CBFA2T3: variants seen among roughly 807,000 people sequenced by gnomAD.
CBFA2T3 encodes the protein CBFA2/RUNX1 partner transcriptional co-repressor 3.
A neutral mutation model predicts 58.6 loss-of-function variants in CBFA2T3; 31 were observed. The ratio of observed to expected loss-of-function variants is 0.53; its 90% CI spans 0.40 to 0.71. CBFA2T3 has a LOEUF of 0.71. Ranked by LOEUF, CBFA2T3 falls within the 30% of genes least tolerant of loss-of-function variation. The pLI is 0.00. For missense variants in CBFA2T3, 1,076 were observed against 963.1 expected (o/e 1.12, Z -1.55); for synonymous variants, 531 against 421.9 (o/e 1.26, Z -3.17).
In CBFA2T3 at chr16:88,892,529, C is replaced by T. The variant is rs375604457; in HGVS notation, c.380-44G>A. 6.2e-6 allele frequency: 10 copies of T among 1,605,646 alleles called. No individual in the cohort carries two copies. The African/African-American group carries it at 1.2e-4, about 19-fold the overall frequency. On this transcript the variant is annotated intron_variant, in intron 3 of 11. Coordinates refer to ENST00000268679, the MANE Select transcript of CBFA2T3 (RefSeq NM_005187.6). ...CATGAGGACACAAAGGTGATGGTGA[C>T]AACACAACCCAGACGGCGGCGACAG... is the stretch of plus-strand genomic sequence containing the variant.
chr16:88,885,841 G>T lies in CBFA2T3; in HGVS notation c.893+120C>A, dbSNP rs1021209409. ...ACACCTCGCCACGCTCCCTCAGCCC[G>T]AGAGAGCCGGCCGGGCTGGCTGCAG... On this transcript the variant is annotated intron_variant, in intron 6 of 11. Coordinates refer to ENST00000268679, the MANE Select transcript of CBFA2T3 (RefSeq NM_005187.6). This position sits in a 1 kb window ranked among gnomAD's most constrained non-coding sequence, Gnocchi z 5.3. The T allele has an allele frequency of 2.2e-6, 2 of 904,776 alleles. No homozygotes were observed. Among genetic ancestry groups the T allele is most frequent in the African/African-American group, 3.3e-5 (2 of 59,750 alleles). The allele number at this position is 904,776 out of a possible 1,614,324, so 56.0% of individuals were successfully genotyped here.
At position 88,885,921 on chromosome 16, in the gene CBFA2T3, C is replaced by T. The variant is rs1969350540; in HGVS notation, c.893+40G>A. On this transcript the variant is annotated intron_variant, in intron 6 of 11. Transcript: ENST00000268679. The surrounding 1 kb of genome is among the most constrained non-coding windows in gnomAD (Gnocchi z 5.3). ...AGGGGAGCAGGGTGAGCCGCGTGTC[C>T]ACGGCACCCCCAGCCCAGATCCCCG... 4 of 1,529,848 alleles carry T rather than the reference C, an allele frequency of 2.6e-6. No homozygotes were observed. The highest frequency in any genetic ancestry group is 3.5e-6 in the Non-Finnish European group (4 of 1,133,300). The allele number at this position is 1,529,848 out of a possible 1,614,324, so 94.8% of individuals were successfully genotyped here.
chr16:88,891,673 G>A (rs1379155782), intron 5 of CBFA2T3, among the ~76,000 whole-genome samples: 1 of 152,218 alleles, frequency 6.6e-6, no homozygotes, highest in African/African-American at 2.4e-5. Flanking sequence ...ACTAGTAGGA[G>A]TCAACCCTGA....
At chr16:88,948,937 G>A (rs548588256) in intron 1 of CBFA2T3, among the ~76,000 whole-genome samples, 23 of 152,340 alleles carry the variant, frequency 1.5e-4, no homozygotes, top group Non-Finnish European at 3.2e-4. Context: ...AAGGGAATGT[G>A]GATGGGATTG....
intron 1 of CBFA2T3, among the ~76,000 whole-genome samples, chr16:88,914,246 A>G (rs893106463): frequency 1.3e-5 from 2 of 152,228 alleles, no homozygotes; most frequent in African/African-American, 4.8e-5. Context: ...CTGTGATGCT[A>G]GAGGTCAGGA....
chr16:88,918,014 G>A (rs1970794473), intron 1 of CBFA2T3, among the ~76,000 whole-genome samples: 1 of 152,158 alleles, frequency 6.6e-6, no homozygotes, highest in African/African-American at 2.4e-5. Context: ...TGGAGTGGAG[G>A]AGTGGACAGC....
chr16:88,923,240 C>A (rs1970979108), intron 1 of CBFA2T3, among the ~76,000 whole-genome samples: 1 of 152,220 alleles, frequency 6.6e-6, no homozygotes. Flanking sequence ...CTTGCTGGGC[C>A]TCAGCGTTCT....
At chr16:88,933,704 A>G (rs1461227881) in intron 1 of CBFA2T3, among the ~76,000 whole-genome samples, 12 of 114,290 alleles carry the variant, frequency 1.0e-4, no homozygotes, top group African/African-American at 3.5e-4. Context: ...CACGCCTCAC[A>G]GTGCCACACG....
intron 1 of CBFA2T3, among the ~76,000 whole-genome samples, chr16:88,975,571 C>A (rs563037300): frequency 2.0e-5 from 3 of 152,262 alleles, no homozygotes; most frequent in Non-Finnish European, 2.9e-5. Flanking sequence ...ATGGCAGATG[C>A]CAGGGCCAGT....
In CBFA2T3 at chr16:88,876,656, C is replaced by T; in HGVS notation, c.*320G>A. ...GAGAGGAAAAGAGAGGTGGGCAGAGCCGCCGCGCCTGCGGCATCTGCTCTG... is the reference window on the plus strand; with the variant it reads ...GAGAGGAAAAGAGAGGTGGGCAGAGTCGCCGCGCCTGCGGCATCTGCTCTG... On this transcript the variant is annotated 3_prime_UTR_variant, in exon 12 of 12. Coordinates refer to ENST00000268679, the MANE Select transcript of CBFA2T3 (RefSeq NM_005187.6). The T allele has an allele frequency of 3.0e-6, 1 of 334,652 alleles. No homozygotes were observed. The highest frequency in any genetic ancestry group is 5.4e-6 in the Non-Finnish European group (1 of 185,092). The allele number at this position is 334,652 out of a possible 1,614,324, so 20.7% of individuals were successfully genotyped here.
chr16:88,907,967 G>A (rs1459557285), intron 1 of CBFA2T3, among the ~76,000 whole-genome samples: 2 of 152,214 alleles, frequency 1.3e-5, no homozygotes, highest in Non-Finnish European at 2.9e-5. Context: ...TCTAAAGGAA[G>A]AGGACAGGGA....
chr16:88,935,261 G>T (rs149525721), intron 1 of CBFA2T3, among the ~76,000 whole-genome samples: 1,639 of 152,314 alleles, frequency 0.011, 31 homozygotes, highest in African/African-American at 0.035. Context: ...TGTCCACTGC[G>T]CTCTGAGTAC....
chr16:88,956,863 C>A (rs1439758422), intron 1 of CBFA2T3, among the ~76,000 whole-genome samples: 1 of 152,252 alleles, frequency 6.6e-6, no homozygotes, highest in Admixed American at 6.5e-5. Context: ...AGCAGCTGCA[C>A]CAAGCCCGGC....
intron 11 of CBFA2T3, among the ~76,000 whole-genome samples, chr16:88,878,594 G>C (rs1597652314): frequency 6.6e-6 from 1 of 152,016 alleles, no homozygotes; most frequent in South Asian, 2.1e-4. Context: ...GGGCGCCTCG[G>C]ACGCCACCTG....
chr16:88,898,856 C>A (rs1431413239), intron 2 of CBFA2T3, among the ~76,000 whole-genome samples: 7 of 152,200 alleles, frequency 4.6e-5, no homozygotes, highest in Admixed American at 4.6e-4. Flanking sequence ...GACCCAAACT[C>A]TACTATATAA....
At chr16:88,901,711 G>C in intron 1 of CBFA2T3, 55 bp from the exon 2 acceptor site, 1 of 1,472,210 alleles carries the variant, frequency 6.8e-7, no homozygotes, top group African/African-American at 1.5e-5. Context: ...GCAAAGGCCA[G>C]GGCCCGCAGC....
chr16:88,907,707 C>A lies in CBFA2T3; in HGVS notation c.152-6051G>T, dbSNP rs74035894. On this transcript the variant is annotated intron_variant, in intron 1 of 11. Transcript: ENST00000268679. ...GGGGAGGCACCTGCCCTCCTGGCCT[C>A]CCTCTGTGGCTTGGGCCTCTGCCAA... Among the ~76,000 whole-genome samples the A allele has an allele frequency of 2.3e-3, 355 of 152,334 alleles. 4 individuals carry two copies. The highest frequency in any genetic ancestry group is 8.3e-3 in the African/African-American group (347 of 41,576).
chr16:88,937,459 G>T (rs1971543226), intron 1 of CBFA2T3: 2 of 152,526 alleles, frequency 1.3e-5, no homozygotes, highest in Non-Finnish European at 2.9e-5. Flanking sequence ...GTGTGCACTG[G>T]ACTCTGCACA....
intron 2 of CBFA2T3, among the ~76,000 whole-genome samples, chr16:88,901,083 T>C (rs1185097276): frequency 6.6e-6 from 1 of 152,242 alleles, no homozygotes; most frequent in Non-Finnish European, 1.5e-5. Flanking sequence ...TGTATGACCC[T>C]GCGGAAGCCC....
Sources: allele counts gnomAD v4.1 joint callset (sites outside exome capture counted in the v4.1 genomes callset), GRCh38; gene constraint gnomAD v4.1.1; non-coding constraint Gnocchi (gnomAD v3.1); transcripts MANE v1.5; gene names NCBI Gene and HGNC (gene_info 2026-07-23, HGNC 2026-07-21).